Variants in TET3 observed in about 807,000 individuals in gnomAD.
TET3 encodes the protein tet methylcytosine dioxygenase 3.
TET3 carries 19 observed loss-of-function variants against 141.4 expected under a neutral mutation model. The observed-to-expected ratio is 0.13, with a 90% confidence interval of 0.09 to 0.20. TET3 has a LOEUF of 0.20. TET3 is among the 10% of genes least tolerant of loss of function. TET3 has a pLI of 1.00. For missense variants in TET3, 1,874 were observed against 2,356.9 expected, an observed-to-expected ratio of 0.80 and a Z score of 4.24; for synonymous variants, 1,043 against 980.9, an observed-to-expected ratio of 1.06 and a Z score of -1.18.
At chr2:74,023,258 G>A (rs534642973) in intron 3 of TET3, among the ~76,000 whole-genome samples, 5 of 151,772 alleles carry the variant, frequency 3.3e-5, no homozygotes, top group Admixed American at 1.3e-4. Flanking sequence ...ATTTAATTTC[G>A]AGACAAGGTC....
intron 2 of TET3, among the ~76,000 whole-genome samples, chr2:73,997,559 G>C (rs1684656135): frequency 6.6e-6 from 1 of 152,146 alleles, no homozygotes; most frequent in South Asian, 2.1e-4. Context: ...GGAGGACAAG[G>C]AGAGAGAGAC....
chr2:73,998,533 C>A (rs1433055867), intron 2 of TET3: 1 of 152,508 alleles, frequency 6.6e-6, no homozygotes, highest in Non-Finnish European at 1.5e-5. Context: ...AGAGAAGCAT[C>A]TTTTCTTCTT....
chr2:74,025,352 G>A (rs1367579828), intron 3 of TET3, among the ~76,000 whole-genome samples: 5 of 148,680 alleles, frequency 3.4e-5, no homozygotes, highest in African/African-American at 7.4e-5. Context: ...GCAGTGGCGC[G>A]ATCTCGGCTC....
At chr2:74,010,046 A>G (rs186013891) in intron 3 of TET3, among the ~76,000 whole-genome samples, 15 of 152,174 alleles carry the variant, frequency 9.9e-5, no homozygotes, top group Non-Finnish European at 1.6e-4. Context: ...CTTTCCTCCC[A>G]CTGTTATTTC....
intron 3 of TET3, among the ~76,000 whole-genome samples, chr2:74,012,045 C>T (rs1434275046): frequency 6.6e-6 from 1 of 152,232 alleles, no homozygotes. Context: ...ACTGCAGCCT[C>T]CACTTCCCAG....
At chr2:74,055,231 T>C (rs1178167396) in intron 4 of TET3, among the ~76,000 whole-genome samples, 9 of 152,156 alleles carry the variant, frequency 5.9e-5, no homozygotes, top group Non-Finnish European at 1.2e-4. Context: ...TCTAGACTGG[T>C]GCTAAGCCTA....
chr2:74,099,398 G>T lies in TET3; in HGVS notation c.3390G>T (p.Gln1130His). 1 of 1,614,042 alleles carries T rather than the reference G, an allele frequency of 6.2e-7. No individual in the cohort carries two copies. Among genetic ancestry groups the T allele is most frequent in the Non-Finnish European group, 8.5e-7 (1 of 1,179,894 alleles). Residue 1130 changes from glutamine (Q) to histidine (H), a missense_variant, in exon 11 of 12, where the codon CAG (glutamine) becomes CAT (histidine). By Grantham distance (24) the Gln-to-His change is conservative (BLOSUM62 0). Around this residue, in one of 10 missense-constraint regions of TET3, gnomAD observed 53 missense variants for 112.8 expected, o/e 0.47. Coordinates refer to ENST00000409262, the MANE Select transcript of TET3 (RefSeq NM_001287491.2). Reference protein sequence around the residue: ...NTDEFGSEENQNAKVGSGAIQ... With the variant: ...NTDEFGSEENHNAKVGSGAIQ... The stretch of plus-strand genomic sequence containing the variant: ...ATGAGTTTGGTAGCGAGGAGAACCA[G>T]AATGCAAAGGTGGGCAGCGGAGCCA...
chr2:74,012,136 T>C (rs756638012), intron 3 of TET3, among the ~76,000 whole-genome samples: 3 of 152,126 alleles, frequency 2.0e-5, no homozygotes, highest in Admixed American at 1.3e-4. Context: ...AATTTTTGTA[T>C]TTTTTGTAGA....
chr2:74,130,351 T>G, the TET3 span, among the ~76,000 whole-genome samples: 1 of 152,196 alleles, frequency 6.6e-6, no homozygotes. Flanking sequence ...TGGAATGAGG[T>G]GCCTAAGGGT....
At chr2:74,113,759 G>A in the TET3 span, among the ~76,000 whole-genome samples, 3 of 152,064 alleles carry the variant, frequency 2.0e-5, no homozygotes, top group Non-Finnish European at 4.4e-5. Context: ...GGTGAAAGAT[G>A]TCTACAAGGA....
chr2:73,984,065 A>T (rs148216473), upstream of TET3, among the ~76,000 whole-genome samples: 543 of 152,372 alleles, frequency 3.6e-3, 2 homozygotes, highest in Non-Finnish European at 5.4e-3. This position sits in a 1 kb window ranked among gnomAD's most constrained non-coding sequence, Gnocchi z 5.6. Flanking sequence ...AACGTAGCCC[A>T]GGGTGACTCT....
intron 3 of TET3, among the ~76,000 whole-genome samples, chr2:74,036,292 A>G (rs4853006): frequency 0.33 from 49,735 of 152,054 alleles, 8,939 homozygotes; most frequent in African/African-American, 0.47. Flanking sequence ...GTCCTACGTA[A>G]TAGGTGTAAA....
chr2:74,021,947 T>A (rs1282465328), intron 3 of TET3, among the ~76,000 whole-genome samples: 2 of 152,126 alleles, frequency 1.3e-5, no homozygotes, highest in East Asian at 3.9e-4. Context: ...TAGTTAAAAC[T>A]TTTTTTTGCC....
chr2:73,989,006 T>G (rs562219868), intron 2 of TET3, among the ~76,000 whole-genome samples: 7 of 149,762 alleles, frequency 4.7e-5, no homozygotes, highest in African/African-American at 1.5e-4. Flanking sequence ...TTTGTTTTTT[T>G]TTTTTTTTGG....
intron 2 of TET3, among the ~76,000 whole-genome samples, chr2:73,992,924 C>T (rs1684407764): frequency 6.6e-6 from 1 of 152,172 alleles, no homozygotes; most frequent in African/African-American, 2.4e-5. Context: ...ATCTAGATTT[C>T]TGTAAATAAA....
chr2:74,014,261 T>C (rs577414230), intron 3 of TET3, among the ~76,000 whole-genome samples: 1 of 152,372 alleles, frequency 6.6e-6, no homozygotes, highest in African/African-American at 2.4e-5. Context: ...CAAATACATT[T>C]AAAAATATGA....
At chr2:74,084,320 A>T (rs1689993493) in intron 6 of TET3, among the ~76,000 whole-genome samples, 1 of 152,208 alleles carries the variant, frequency 6.6e-6, no homozygotes, top group Admixed American at 6.5e-5. Flanking sequence ...GGTACCTAGA[A>T]CAGTTAAATT....
chr2:74,102,131 C>T lies in TET3; in HGVS notation c.5343C>T (p.Ser1781=). Residue 1781 remains serine, a synonymous_variant, in exon 12 of 12, where the codon TCC becomes TCT. Coordinates refer to ENST00000409262, the MANE Select transcript of TET3 (RefSeq NM_001287491.2). ...VPTDSAVTVS[S]YAYTKVTGPY... ...CAGACTCGGCGGTCACCGTGTCCTCCTATGCCTACACGAAGGTCACTGGCC... is the reference window on the plus strand; with the variant it reads ...CAGACTCGGCGGTCACCGTGTCCTCTTATGCCTACACGAAGGTCACTGGCC... The T allele has an allele frequency of 6.7e-7, 1 of 1,483,484 alleles. No individual in the cohort carries two copies. Among genetic ancestry groups the T allele is most frequent in the Non-Finnish European group, 9.0e-7 (1 of 1,116,952 alleles). 91.9% of individuals were successfully genotyped at this position (1,483,484 alleles called of 1,614,324 possible). A position where few individuals can be genotyped will look rare whatever the true frequency, so the allele number is the denominator to read the frequency against.
chr2:74,130,766 G>A, the TET3 span: 1 of 152,222 alleles, frequency 6.6e-6, no homozygotes, highest in African/African-American at 2.4e-5. Context: ...TTTCTGATGA[G>A]AGGATTAACA....
Sources: allele counts gnomAD v4.1 joint callset (sites outside exome capture counted in the v4.1 genomes callset), GRCh38; gene constraint gnomAD v4.1.1; regional missense constraint gnomAD v4.1.1; non-coding constraint Gnocchi (gnomAD v3.1); transcripts MANE v1.5; gene names NCBI Gene and HGNC (gene_info 2026-07-23, HGNC 2026-07-21).